ZDHHC13: variants seen among roughly 807,000 people sequenced by gnomAD.
ZDHHC13 encodes zDHHC palmitoyltransferase 13.
A neutral mutation model predicts 86.0 loss-of-function variants in ZDHHC13; 85 were observed. That is an observed-to-expected ratio of 0.99 (90% confidence interval 0.83 to 1.18). ZDHHC13 has a LOEUF of 1.18. Among genes scored for constraint, ZDHHC13 ranks in the 50% most tolerant of loss-of-function variants. The pLI, the probability that ZDHHC13 is intolerant of heterozygous loss-of-function variation, is 0.00. For missense variants in ZDHHC13, 711 were observed against 730.2 expected, an observed-to-expected ratio of 0.97 and a Z score of 0.30; for synonymous variants, 263 against 246.4, an observed-to-expected ratio of 1.07 and a Z score of -0.63.
chr11:19,159,581 T>C (rs1327409524), intron 10 of ZDHHC13, among the ~76,000 whole-genome samples: 1 of 150,254 alleles, frequency 6.7e-6, no homozygotes, highest in Non-Finnish European at 1.5e-5. Flanking sequence ...TCTATGGTGT[T>C]ATTTCATCCC....
At chr11:19,123,459 GGGCAACATAACGAGACCTA>G (rs1848799879) in intron 1 of ZDHHC13, among the ~76,000 whole-genome samples, 2 of 151,870 alleles carry the variant, frequency 1.3e-5, no homozygotes, top group South Asian at 2.1e-4. Context: ...AGACCAGTCT[GGGCAACATAACGAGACCTA>G]TCTACAGAAG....
At chr11:19,123,915 T>C (rs1848811854) in intron 1 of ZDHHC13, among the ~76,000 whole-genome samples, 1 of 152,044 alleles carries the variant, frequency 6.6e-6, no homozygotes, top group Non-Finnish European at 1.5e-5. Flanking sequence ...TCTGGGAAGG[T>C]TTGTAGGGAG....
chr11:19,166,381 C>G lies in ZDHHC13; in HGVS notation c.1470C>G (p.Phe490Leu), dbSNP rs778506956. ...GTGGCTGGATTATATATGGATCTTT[C>G]ATCTGTAAGTGTAAATTTTTCTTAC... ...MVCGWIIYGS[F>L]IYLSSHCATT... Residue 490 changes from phenylalanine to leucine, a missense_variant, in exon 14 of 17, where the codon TTC becomes TTG. By Grantham distance (22) the Phe-to-Leu change is conservative. Transcript: ENST00000446113. The G allele has an allele frequency of 6.2e-6, 10 of 1,609,818 alleles. No individual in the cohort carries two copies. The highest frequency in any genetic ancestry group is 1.1e-5 in the South Asian group (1 of 90,410).
chr11:19,148,953 C>CAAAAACA (rs1054734289), intron 4 of ZDHHC13: 2 of 348,778 alleles, frequency 5.7e-6, no homozygotes, highest in Admixed American at 4.7e-5. Context: ...GACTCCATCT[C>CAAAAACA]AAAAACAAAA....
At chr11:19,151,635 G>A (rs1849610189) in intron 6 of ZDHHC13, among the ~76,000 whole-genome samples, 1 of 151,994 alleles carries the variant, frequency 6.6e-6, no homozygotes. Flanking sequence ...CATGAAGGAA[G>A]GAAAGGTATT....
chr11:19,176,269 A>T lies in ZDHHC13; in HGVS notation c.*309A>T, dbSNP rs1435385221. ...ATAAAATGGAATATTTTCAGATACTATATTGGCTGTTTCAAAATAGTACTA... is the reference window on the plus strand; with the variant it reads ...ATAAAATGGAATATTTTCAGATACTTTATTGGCTGTTTCAAAATAGTACTA... On this transcript the variant is annotated 3_prime_UTR_variant, in exon 17 of 17. Transcript: ENST00000446113. The T allele has an allele frequency of 2.0e-5, 4 of 195,224 alleles. No homozygotes were observed. 12.1% of individuals were successfully genotyped at this position (195,224 alleles called of 1,614,324 possible).
At chr11:19,130,227 A>G (rs962000182) in intron 1 of ZDHHC13, among the ~76,000 whole-genome samples, 2 of 152,204 alleles carry the variant, frequency 1.3e-5, no homozygotes, top group African/African-American at 4.8e-5. Flanking sequence ...TTCATTATGA[A>G]TCAAATTTAT....
rs183645607 is a variant in ZDHHC13, at chr11:19,119,203, C to T, written c.27+1927C>T. Among the ~76,000 whole-genome samples the T allele has an allele frequency of 6.6e-5, 10 of 152,192 alleles. No individual in the cohort carries two copies. In the East Asian group the frequency reaches 7.7e-4, roughly 12 times the overall value. On this transcript the variant is annotated intron_variant, in intron 1 of 16. Coordinates refer to ENST00000446113, the MANE Select transcript of ZDHHC13 (RefSeq NM_019028.3). Reference sequence around the variant, plus strand: ...TCGGCTCACTGCAATCTCCGCCTCCCGGGTTCATATGATTCCCCTGCCTCA... The same window carrying T: ...TCGGCTCACTGCAATCTCCGCCTCCTGGGTTCATATGATTCCCCTGCCTCA...
At chr11:19,140,518 G>A (rs1015693989) in intron 1 of ZDHHC13, among the ~76,000 whole-genome samples, 65 of 152,246 alleles carry the variant, frequency 4.3e-4, no homozygotes, top group Middle Eastern at 3.4e-3. Context: ...CGATTCCTCA[G>A]GGATCTAGAA....
intron 9 of ZDHHC13, among the ~76,000 whole-genome samples, chr11:19,158,644 A>C (rs1849823286): frequency 1.3e-5 from 2 of 152,216 alleles, no homozygotes; most frequent in Non-Finnish European, 1.5e-5. Flanking sequence ...CAAAAGATCC[A>C]TTGAAAACAT....
intron 3 of ZDHHC13, among the ~76,000 whole-genome samples, chr11:19,146,824 A>G (rs1462421361): frequency 6.6e-6 from 1 of 152,154 alleles, no homozygotes; most frequent in South Asian, 2.1e-4. Flanking sequence ...GTACATGTGT[A>G]TGTGAATGTG....
At chr11:19,154,890 G>C (rs960295828) in intron 8 of ZDHHC13, among the ~76,000 whole-genome samples, 1 of 152,066 alleles carries the variant, frequency 6.6e-6, no homozygotes, top group Admixed American at 6.6e-5. Context: ...CACAGTCTTT[G>C]GGATGTTATT....
At chr11:19,128,760 A>G (rs1479857409) in intron 1 of ZDHHC13, among the ~76,000 whole-genome samples, 1 of 152,208 alleles carries the variant, frequency 6.6e-6, no homozygotes, top group Non-Finnish European at 1.5e-5. Context: ...AGGTAGGTGA[A>G]AGCTAGGTAA....
Position 19,155,903 on chromosome 11 carries a change from GT to G in ZDHHC13, c.987del (p.Leu330Ter). The G allele has an allele frequency of 6.2e-7, 1 of 1,608,506 alleles. No homozygotes were observed. The highest frequency in any genetic ancestry group is 8.5e-7 in the Non-Finnish European group (1 of 1,178,406). On this transcript the variant is annotated frameshift_variant, in exon 9 of 17. Transcript: ENST00000446113. LOFTEE classifies it high-confidence loss of function. ...LLKGCLLVTL[F>X]FLTSLFPRFL... Reference sequence around the variant, plus strand: ...TAAAAGGATGTCTTCTAGTAACACTGTTTTTTCTGACATCTTTGTTTCCAAG... The same window carrying G: ...TAAAAGGATGTCTTCTAGTAACACTGTTTTTCTGACATCTTTGTTTCCAAG...
At chr11:19,141,043 T>C (rs1006807911) in intron 1 of ZDHHC13, among the ~76,000 whole-genome samples, 1 of 151,130 alleles carries the variant, frequency 6.6e-6, no homozygotes, top group African/African-American at 2.4e-5. Context: ...TGTGCACATG[T>C]ACCCTAAAAC....
In ZDHHC13 at chr11:19,164,379, T is replaced by G; in HGVS notation, c.1296+16T>G. The G allele has an allele frequency of 6.2e-7, 1 of 1,610,830 alleles. No homozygotes were observed. ...ATCATGTCTTGTGAGTTTTTTCATA[T>G]AATTTTTTTCCGTAGTGAAAGCAAA... is the stretch of plus-strand genomic sequence containing the variant. On this transcript the variant is annotated intron_variant, in intron 12 of 16. Transcript: ENST00000446113.
intron 10 of ZDHHC13, among the ~76,000 whole-genome samples, chr11:19,159,454 G>T (rs1372878009): frequency 3.3e-5 from 5 of 151,988 alleles, no homozygotes; most frequent in African/African-American, 1.2e-4. Flanking sequence ...CCTCAGTAAC[G>T]GTAAGTGTTA....
At chr11:19,166,552 A>G (rs938701498) in intron 14 of ZDHHC13, 167 bp downstream of exon 14, 2 of 513,076 alleles carry the variant, frequency 3.9e-6, no homozygotes, top group African/African-American at 4.0e-5. Context: ...AGCTGCAAGA[A>G]ATACAAGATG....
At chr11:19,163,705 T>G (rs1275185358) in intron 11 of ZDHHC13, among the ~76,000 whole-genome samples, 5 of 152,158 alleles carry the variant, frequency 3.3e-5, no homozygotes, top group Admixed American at 3.3e-4. Flanking sequence ...AATAACATTT[T>G]CATAATGGTC....
Sources: gnomAD v4.1 joint callset for allele counts (sites outside exome capture counted in the v4.1 genomes callset) on GRCh38, gnomAD v4.1.1 for gene constraint, MANE v1.5 for transcripts, NCBI Gene and HGNC (gene_info 2026-07-23, HGNC 2026-07-21) for gene names.